Variants in JADE1 observed in about 807,000 individuals in gnomAD.
JADE1 encodes jade family PHD finger 1.
Under a neutral mutation model 81.8 loss-of-function variants are expected in JADE1, and 14 were observed. The ratio of observed to expected loss-of-function variants is 0.17; its 90% CI spans 0.11 to 0.27. JADE1 has a LOEUF of 0.27. Among genes scored for constraint, JADE1 ranks in the 10% least tolerant of loss-of-function variants. The pLI, the probability that JADE1 is intolerant of heterozygous loss-of-function variation, is 1.00. For missense variants in JADE1, 690 were observed against 1,047.9 expected (o/e 0.66, Z 4.71); for synonymous variants, 353 against 391.9 (o/e 0.90, Z 1.17).
At chr4:128,833,675 C>T (rs1488109861) in intron 2 of JADE1, among the ~76,000 whole-genome samples, 1 of 152,148 alleles carries the variant, frequency 6.6e-6, no homozygotes, top group Non-Finnish European at 1.5e-5. Flanking sequence ...AGCCTGGCGA[C>T]AGAGCGAGAC....
At chr4:128,865,811 A>G (rs942818091) in intron 9 of JADE1, among the ~76,000 whole-genome samples, 1 of 152,232 alleles carries the variant, frequency 6.6e-6, no homozygotes, top group Non-Finnish European at 1.5e-5. Flanking sequence ...AATAATATAC[A>G]AAGTTCAAAT....
chr4:128,862,608 C>T (rs1025217068), intron 9 of JADE1: 5 of 1,035,416 alleles, frequency 4.8e-6, no homozygotes, highest in Non-Finnish European at 5.8e-6. Flanking sequence ...TTTAGAAAAC[C>T]AGAACGGATT....
intron 1 of JADE1, among the ~76,000 whole-genome samples, chr4:128,815,395 C>T (rs548611831): frequency 3.9e-5 from 6 of 152,268 alleles, no homozygotes; most frequent in African/African-American, 1.2e-4. Context: ...CCACCGTGCC[C>T]GGCAATCTTA....
chr4:128,847,134 C>T (rs943580617), intron 4 of JADE1, among the ~76,000 whole-genome samples: 6 of 152,134 alleles, frequency 3.9e-5, no homozygotes, highest in African/African-American at 1.2e-4. Context: ...GAGTCCCTGC[C>T]GACTCTCCTC....
intron 1 of JADE1, chr4:128,827,727 G>T: frequency 5.6e-6 from 1 of 178,330 alleles, no homozygotes; most frequent in Non-Finnish European, 1.1e-5. Context: ...ATCATAGTTT[G>T]GAGAATAGGT....
At chr4:128,836,438 A>G (rs1037199614) in intron 2 of JADE1, among the ~76,000 whole-genome samples, 3 of 152,104 alleles carry the variant, frequency 2.0e-5, no homozygotes, top group African/African-American at 7.2e-5. Context: ...GTGAAAGTAG[A>G]TAATCATAAA....
In JADE1 at chr4:128,839,087, TA is replaced by T. The variant is rs527463668; in HGVS notation, c.53-3857del. Among the ~76,000 whole-genome samples, 1,509 of 151,984 alleles carry T rather than the reference TA, an allele frequency of 9.9e-3. 27 individuals carry two copies. The highest frequency in any genetic ancestry group is 0.035 in the African/African-American group (1,448 of 41,452). ...ATTGACTGTCCTCAACAATGACATT[TA>T]AAAAAAAATTATCTACTTTTCAAAG... is the stretch of plus-strand genomic sequence containing the variant. On this transcript the variant is annotated intron_variant, in intron 2 of 10. Transcript: ENST00000226319.
rs555510422 is a variant in JADE1, at chr4:128,846,211, G to A, written c.139-164G>A. On this transcript the variant is annotated intron_variant, in intron 3 of 10. Transcript: ENST00000226319. The surrounding 1 kb of genome is among the most constrained non-coding windows in gnomAD (Gnocchi z 4.0). ...CTGCCACCCCCCATGCCTGAGTGAG[G>A]TAAAAGGCGTGTCAGGCAAAGTTTT... 3.9e-5 allele frequency among the ~76,000 whole-genome samples: 6 copies of A among 152,308 alleles called. No individual in the cohort carries two copies. The highest frequency in any genetic ancestry group is 1.4e-4 in the African/African-American group (6 of 41,568).
At chr4:128,859,038 T>TG (rs1731047695) in intron 8 of JADE1, among the ~76,000 whole-genome samples, 1 of 152,282 alleles carries the variant, frequency 6.6e-6, no homozygotes, top group African/African-American at 2.4e-5. Context: ...GGGATTTGGC[T>TG]GGGGACCTTG....
chr4:128,837,320 A>G (rs1327641453), intron 2 of JADE1, among the ~76,000 whole-genome samples: 1 of 152,242 alleles, frequency 6.6e-6, no homozygotes, highest in Admixed American at 6.5e-5. Flanking sequence ...GGACCTCAGC[A>G]GAAATGGTGG....
Position 128,867,943 on chromosome 4 carries a change from A to T in JADE1, c.1591A>T (p.Thr531Ser). Residue 531 changes from threonine (T) to serine (S), a missense_variant, in exon 10 of 11, where the codon ACT becomes TCT. Thr to Ser is a moderately conservative substitution (Grantham distance 58). Around this residue, in one of 8 missense-constraint regions of JADE1, gnomAD observed 86 missense variants for 95.4 expected, o/e 0.90. Coordinates refer to ENST00000226319, the MANE Select transcript of JADE1 (RefSeq NM_199320.4). ...KVQEQIFNLY[T>S]KLLEQERVSG... ...CCAGGAACAGATATTCAATCTTTAC[A>T]CTAAGCTTTTGGAGCAAGAAAGAGT... is the stretch of plus-strand genomic sequence containing the variant. 6.2e-7 allele frequency: 1 copy of T among 1,613,252 alleles called. No homozygotes were observed. The highest frequency in any genetic ancestry group is 1.1e-5 in the South Asian group (1 of 91,050).
intron 1 of JADE1, among the ~76,000 whole-genome samples, chr4:128,815,029 G>T (rs1419421490): frequency 6.6e-6 from 1 of 150,772 alleles, no homozygotes; most frequent in Non-Finnish European, 1.5e-5. Context: ...TTTCCCTTAA[G>T]TCGATTTTAA....
At chr4:128,827,344 A>G (rs989593904) in intron 1 of JADE1, among the ~76,000 whole-genome samples, 4 of 152,260 alleles carry the variant, frequency 2.6e-5, no homozygotes, top group Non-Finnish European at 5.9e-5. Flanking sequence ...TGAACTGAGC[A>G]GTACAGAATA....
chr4:128,864,292 C>T (rs568123518), intron 9 of JADE1: 17 of 456,816 alleles, frequency 3.7e-5, no homozygotes, highest in Admixed American at 1.3e-4. Context: ...GGATTACAGG[C>T]GTGCGCCACC....
rs564586845 is a variant in JADE1 at position 128,846,022 on chromosome 4, G to A, written c.139-353G>A. On this transcript the variant is annotated intron_variant, in intron 3 of 10. Coordinates refer to ENST00000226319, the MANE Select transcript of JADE1 (RefSeq NM_199320.4). The surrounding 1 kb of genome is among the most constrained non-coding windows in gnomAD (Gnocchi z 4.0). Reference sequence around the variant, plus strand: ...TTATATTTCTAGAGCACCCTTGAGTGCAGTATCTCCCTTCAGAGATTTCCA... The same window carrying A: ...TTATATTTCTAGAGCACCCTTGAGTACAGTATCTCCCTTCAGAGATTTCCA... 6.6e-6 allele frequency among the ~76,000 whole-genome samples: 1 copy of A among 152,164 alleles called. No individual in the cohort carries two copies.
intron 2 of JADE1, among the ~76,000 whole-genome samples, chr4:128,835,897 G>A (rs996899974): frequency 6.6e-6 from 1 of 152,236 alleles, no homozygotes; most frequent in Non-Finnish European, 1.5e-5. Context: ...TTCTGTGCCA[G>A]GTGCAAGCCC....
intron 9 of JADE1, chr4:128,863,937 AACTC>A: frequency 1.0e-6 from 1 of 985,302 alleles, no homozygotes; most frequent in Non-Finnish European, 1.2e-6. Context: ...GTGGTGTACT[AACTC>A]TTTTCTGTAC....
Position 128,871,650 on chromosome 4 carries a change from A to G in JADE1, c.1917A>G (p.Glu639=). The change falls in exon 11 of 11, where the codon GAA becomes GAG. Residue 639 remains glutamate, a synonymous_variant. Transcript: ENST00000226319. This position sits in a 1 kb window ranked among gnomAD's most constrained non-coding sequence, Gnocchi z 4.1. ...TGGGTTTAGAAAAGACCTTTGCAGA[A>G]GCACGTCTCATATCAGCACAACAGA... ...SFLGLEKTFA[E]ARLISAQQKN... is the part of the protein sequence containing the mutation. 1.2e-6 allele frequency: 2 copies of G among 1,614,232 alleles called. No individual in the cohort carries two copies. Among genetic ancestry groups the G allele is most frequent in the East Asian group, 2.2e-5 (1 of 44,880 alleles).
At chr4:128,858,294 G>T (rs774300518) in intron 8 of JADE1, among the ~76,000 whole-genome samples, 27 of 152,092 alleles carry the variant, frequency 1.8e-4, no homozygotes, top group Non-Finnish European at 2.6e-4. Context: ...TCACATTATT[G>T]ACATCTAGAC....
Sources: gnomAD v4.1 joint callset for allele counts (sites outside exome capture counted in the v4.1 genomes callset) on GRCh38, gnomAD v4.1.1 for gene constraint, gnomAD v4.1.1 regional missense constraint, Gnocchi (gnomAD v3.1) non-coding constraint, MANE v1.5 for transcripts, NCBI Gene and HGNC (gene_info 2026-07-23, HGNC 2026-07-21) for gene names.